STAU2: variants seen among roughly 807,000 people sequenced by gnomAD.
STAU2 encodes double-stranded RNA-binding protein Staufen homolog 2.
In STAU2, 20 loss-of-function variants were observed where a neutral mutation model predicts 65.9. The ratio of observed to expected loss-of-function variants is 0.30; its 90% confidence interval spans 0.21 to 0.44. STAU2 has a LOEUF of 0.44. Among genes scored for constraint, STAU2 ranks in the 20% least tolerant of loss-of-function variants. The pLI, the probability that STAU2 is intolerant of heterozygous loss-of-function variation, is 1.00. For missense variants in STAU2, 558 were observed against 683.9 expected, an observed-to-expected ratio of 0.82 and a Z score of 2.05; for synonymous variants, 232 against 233.9, an observed-to-expected ratio of 0.99 and a Z score of 0.07.
intron 6 of STAU2, among the ~76,000 whole-genome samples, chr8:73,642,009 T>A (rs1391056194): frequency 6.6e-6 from 1 of 152,204 alleles, no homozygotes; most frequent in Non-Finnish European, 1.5e-5. Context: ...TAAGTAGACA[T>A]CATTTCTCTA....
intron 4 of STAU2, among the ~76,000 whole-genome samples, chr8:73,694,206 G>A (rs776871787): frequency 2.6e-5 from 4 of 152,010 alleles, no homozygotes; most frequent in Non-Finnish European, 5.9e-5. Context: ...AGCAAAAACT[G>A]ACAAAACTTA....
intron 5 of STAU2, among the ~76,000 whole-genome samples, chr8:73,680,065 T>G (rs1393357241): frequency 8.5e-6 from 1 of 117,576 alleles, no homozygotes; most frequent in Non-Finnish European, 1.6e-5. Context: ...AGTACCACAG[T>G]GAGAAAGACT....
At chr8:73,709,725 T>G (rs964825917) in intron 3 of STAU2, among the ~76,000 whole-genome samples, 3 of 152,052 alleles carry the variant, frequency 2.0e-5, no homozygotes, top group Non-Finnish European at 4.4e-5. Context: ...AAAGAATAAT[T>G]TAACAAGTGC....
chr8:73,551,209 A>C, intron 13 of STAU2: 1 of 987,582 alleles, frequency 1.0e-6, no homozygotes, highest in Non-Finnish European at 1.2e-6. Context: ...AAAAGCTCCA[A>C]TGTATCCATA....
chr8:73,469,484 A>G (rs1819855848), intron 13 of STAU2, among the ~76,000 whole-genome samples: 1 of 151,088 alleles, frequency 6.6e-6, no homozygotes, highest in Non-Finnish European at 1.5e-5. Flanking sequence ...AAAAAAAAAA[A>G]AAGAAAGTGT....
intron 13 of STAU2, among the ~76,000 whole-genome samples, chr8:73,478,482 T>C (rs868564636): frequency 4.9e-5 from 7 of 141,424 alleles, no homozygotes; most frequent in African/African-American, 1.6e-4. Flanking sequence ...GCTCTAAAAA[T>C]AGTTTTTTTT....
At chr8:73,567,850 T>TGG (rs140417084) in intron 12 of STAU2, among the ~76,000 whole-genome samples, 2 of 151,736 alleles carry the variant, frequency 1.3e-5, no homozygotes, top group Non-Finnish European at 2.9e-5. Context: ...TCTTACTCGC[T>TGG]GGGGGGGAGG....
intron 13 of STAU2, among the ~76,000 whole-genome samples, chr8:73,428,401 C>G (rs527450793): frequency 1.3e-3 from 196 of 152,038 alleles, no homozygotes; most frequent in Admixed American, 2.9e-3. Context: ...CACATCTTTG[C>G]TATTGTGAAT....
chr8:73,580,543 A>C (rs1230364498), intron 12 of STAU2, among the ~76,000 whole-genome samples: 2 of 152,328 alleles, frequency 1.3e-5, no homozygotes, highest in Non-Finnish European at 2.9e-5. Context: ...AACCATTTAG[A>C]ATAGAATTTC....
chr8:73,739,664 G>T, intron 2 of STAU2, 92 bp downstream of exon 2: 1 of 1,021,036 alleles, frequency 9.8e-7, no homozygotes, highest in Non-Finnish European at 1.3e-6. Flanking sequence ...TCTAATTACT[G>T]TCACATTTCC....
chr8:73,627,759 A>C (rs1438134801), intron 6 of STAU2, among the ~76,000 whole-genome samples: 1 of 148,652 alleles, frequency 6.7e-6, no homozygotes, highest in Non-Finnish European at 1.5e-5. Flanking sequence ...CCTTGTTAAA[A>C]AAAAAAAAAA....
intron 6 of STAU2, among the ~76,000 whole-genome samples, chr8:73,650,520 C>T (rs1209330452): frequency 3.3e-5 from 5 of 152,060 alleles, no homozygotes; most frequent in African/African-American, 1.2e-4. Flanking sequence ...TTTTAAAAGT[C>T]ACTCATCTAT....
At chr8:73,574,456 T>C (rs1475971079) in intron 12 of STAU2, among the ~76,000 whole-genome samples, 2 of 152,174 alleles carry the variant, frequency 1.3e-5, no homozygotes, top group African/African-American at 2.4e-5. Context: ...CACATGCACA[T>C]GTATGCTTAT....
At chr8:73,493,483 ACT>A (rs1223357318) in intron 13 of STAU2, among the ~76,000 whole-genome samples, 2 of 151,760 alleles carry the variant, frequency 1.3e-5, no homozygotes, top group African/African-American at 4.8e-5. Flanking sequence ...ATTTGAATAG[ACT>A]CTTCACAAAG....
intron 11 of STAU2, among the ~76,000 whole-genome samples, chr8:73,587,038 A>T (rs1051525955): frequency 2.0e-5 from 3 of 152,206 alleles, no homozygotes; most frequent in African/African-American, 7.2e-5. Context: ...CACATATAAA[A>T]TACACATATC....
At chr8:73,456,089 C>T (rs1228761252) in intron 13 of STAU2, among the ~76,000 whole-genome samples, 2 of 152,208 alleles carry the variant, frequency 1.3e-5, no homozygotes, top group Non-Finnish European at 2.9e-5. Flanking sequence ...TGGGCAGACT[C>T]AGGCTCAGCA....
chr8:73,735,355 C>T (rs868506155), intron 3 of STAU2, among the ~76,000 whole-genome samples: 1 of 152,254 alleles, frequency 6.6e-6, no homozygotes. Flanking sequence ...GAGTCTTCAT[C>T]TCAGACTTGA....
At chr8:73,530,374 T>C (rs1275104316) in intron 13 of STAU2, among the ~76,000 whole-genome samples, 1 of 152,078 alleles carries the variant, frequency 6.6e-6, no homozygotes, top group Non-Finnish European at 1.5e-5. Flanking sequence ...TGAACCCCCT[T>C]GTAAAAGTCA....
At chr8:73,538,764 T>G (rs1051252342) in intron 13 of STAU2, among the ~76,000 whole-genome samples, 4 of 152,044 alleles carry the variant, frequency 2.6e-5, no homozygotes, top group African/African-American at 9.7e-5. Context: ...CATCAATACT[T>G]GCTACTTGAT....
Sources: gnomAD v4.1 joint callset for allele counts (sites outside exome capture counted in the v4.1 genomes callset) on GRCh38, gnomAD v4.1.1 for gene constraint, MANE v1.5 for transcripts, NCBI Gene and HGNC (gene_info 2026-07-23, HGNC 2026-07-21) for gene names.